GLIS3: variants seen among roughly 807,000 people sequenced by gnomAD.
The protein encoded by GLIS3 is GLIS family zinc finger 3.
Under a neutral mutation model 78.6 loss-of-function variants are expected in GLIS3, and 53 were observed. The observed-to-expected ratio is 0.67, with a 90% CI of 0.54 to 0.85. The LOEUF is 0.85. Ranked by LOEUF, GLIS3 falls within the 40% of genes least tolerant of loss-of-function variation. GLIS3 has a pLI of 0.00. For synonymous variants in GLIS3, 684 were observed against 509.9 expected (o/e 1.34, Z -4.60); for missense variants, 1,703 against 1,231.1 (o/e 1.38, Z -5.74).
intron 4 of GLIS3, among the ~76,000 whole-genome samples, chr9:3,988,061 T>C (rs1819918787): frequency 6.6e-6 from 1 of 152,120 alleles, no homozygotes; most frequent in African/African-American, 2.4e-5. Context: ...TTGTGAAATA[T>C]TCACCACAAT....
intron 2 of GLIS3, among the ~76,000 whole-genome samples, chr9:4,145,432 T>C (rs1834145320): frequency 2.1e-5 from 3 of 143,872 alleles, no homozygotes; most frequent in Admixed American, 1.4e-4. Flanking sequence ...TAGTACCTTT[T>C]GCACACAACT....
the GLIS3 span, among the ~76,000 whole-genome samples, chr9:4,397,664 GGAAGGGAGGGA>G: frequency 1.2e-5 from 1 of 83,278 alleles, no homozygotes; most frequent in African/African-American, 4.8e-5. Context: ...AAGGAAGGAA[GGAAGGGAGGGA>G]GGAAGGGAGG....
intron 7 of GLIS3, among the ~76,000 whole-genome samples, chr9:3,891,795 A>G (rs1350439187): frequency 2.0e-5 from 3 of 152,186 alleles, no homozygotes; most frequent in Non-Finnish European, 4.4e-5. Context: ...ATCCTAGATC[A>G]TTACTTTCCC....
chr9:4,199,089 A>G (rs1467333684), intron 2 of GLIS3, among the ~76,000 whole-genome samples: 2 of 152,228 alleles, frequency 1.3e-5, no homozygotes, highest in Admixed American at 6.5e-5. Context: ...GGAAAGAACT[A>G]TACCTGTTAC....
intron 4 of GLIS3, among the ~76,000 whole-genome samples, chr9:3,937,808 T>C (rs999118003): frequency 6.6e-6 from 1 of 152,202 alleles, no homozygotes; most frequent in African/African-American, 2.4e-5. Flanking sequence ...TAACAGGCTC[T>C]TACAAAGGAA....
intron 2 of GLIS3, among the ~76,000 whole-genome samples, chr9:4,156,483 C>G (rs149341596): frequency 1.3e-5 from 2 of 152,168 alleles, no homozygotes; most frequent in Non-Finnish European, 2.9e-5. Flanking sequence ...GTATTACAGA[C>G]AGAATGTGGA....
chr9:4,210,144 A>C (rs908207397), intron 2 of GLIS3, among the ~76,000 whole-genome samples: 1 of 152,246 alleles, frequency 6.6e-6, no homozygotes, highest in Non-Finnish European at 1.5e-5. Flanking sequence ...TACATACCTT[A>C]GTTAATTCAA....
chr9:4,322,666 G>A (rs1817551728), intron 2 of GLIS3, among the ~76,000 whole-genome samples: 2 of 152,194 alleles, frequency 1.3e-5, no homozygotes, highest in African/African-American at 4.8e-5. Flanking sequence ...GACCAGTGAT[G>A]ATGAGCATTT....
intron 2 of GLIS3, among the ~76,000 whole-genome samples, chr9:4,335,374 A>C (rs190455941): frequency 5.0e-4 from 76 of 152,354 alleles, no homozygotes; most frequent in African/African-American, 1.7e-3. Context: ...GCTAAACCAA[A>C]TGGTTCAGTT....
intron 4 of GLIS3, among the ~76,000 whole-genome samples, chr9:4,050,264 G>A (rs540952645): frequency 6.6e-6 from 1 of 152,304 alleles, no homozygotes; most frequent in South Asian, 2.1e-4. Context: ...ATACTATGCA[G>A]CCACAGAAAA....
At chr9:4,481,020 AATTTTTTGT>A in the GLIS3 span, among the ~76,000 whole-genome samples, 1 of 151,974 alleles carries the variant, frequency 6.6e-6, no homozygotes, top group Non-Finnish European at 1.5e-5. Context: ...ACACCTGGCT[AATTTTTTGT>A]ATTTTTTGTA....
chr9:4,010,285 G>C (rs1408994298), intron 4 of GLIS3, among the ~76,000 whole-genome samples: 1 of 152,142 alleles, frequency 6.6e-6, no homozygotes, highest in African/African-American at 2.4e-5. Flanking sequence ...CAAGTTATTC[G>C]ACCTGATGTG....
intron 6 of GLIS3, among the ~76,000 whole-genome samples, chr9:3,921,956 C>T (rs1421545409): frequency 1.5e-5 from 1 of 68,654 alleles, no homozygotes; most frequent in Non-Finnish European, 3.3e-5. Context: ...ACTCACACTT[C>T]ACATTGGTAA....
At chr9:4,197,234 C>T (rs117794703) in intron 2 of GLIS3, among the ~76,000 whole-genome samples, 1 of 151,826 alleles carries the variant, frequency 6.6e-6, no homozygotes, top group African/African-American at 2.4e-5. Context: ...AGTTGCCCCA[C>T]CTTCCCTATG....
intron 2 of GLIS3, among the ~76,000 whole-genome samples, chr9:4,193,878 C>G (rs1474351727): frequency 6.6e-6 from 1 of 152,184 alleles, no homozygotes; most frequent in Non-Finnish European, 1.5e-5. Flanking sequence ...CAAATATGGA[C>G]TTTGTTTCCC....
intron 2 of GLIS3, among the ~76,000 whole-genome samples, chr9:4,266,402 G>A (rs910651304): frequency 1.3e-5 from 2 of 152,078 alleles, no homozygotes; most frequent in African/African-American, 2.4e-5. Flanking sequence ...CCCTATCGCT[G>A]AATTCAAACC....
chr9:4,060,329 C>A (rs58502373), intron 4 of GLIS3, among the ~76,000 whole-genome samples: 3,417 of 152,240 alleles, frequency 0.022, 134 homozygotes, highest in African/African-American at 0.078. Flanking sequence ...GTTCCTGATT[C>A]TCCTTCTAGC....
intron 8 of GLIS3, among the ~76,000 whole-genome samples, chr9:3,877,198 C>A (rs533718475): frequency 6.6e-6 from 1 of 152,032 alleles, no homozygotes; most frequent in Non-Finnish European, 1.5e-5. Context: ...GATGAAAAGT[C>A]CGTGGCTAAT....
At chr9:4,143,518 G>C (rs1183046426) in intron 2 of GLIS3, among the ~76,000 whole-genome samples, 3 of 151,556 alleles carry the variant, frequency 2.0e-5, no homozygotes, top group Admixed American at 6.6e-5. Context: ...AGTGAGCCGA[G>C]ATTGCACCAC....
Sources: allele counts gnomAD v4.1 joint callset (sites outside exome capture counted in the v4.1 genomes callset), GRCh38; gene constraint gnomAD v4.1.1; transcripts MANE v1.5; gene names NCBI Gene and HGNC (gene_info 2026-07-23, HGNC 2026-07-21).